The following ABCA13 variants were observed in gnomAD, a reference collection of about 807,000 sequenced individuals.
ABCA13 encodes ATP binding cassette subfamily A member 13.
A neutral mutation model predicts 478.7 loss-of-function variants in ABCA13; 476 were observed. The ratio of observed to expected loss-of-function variants is 0.99; its 90% confidence interval spans 0.92 to 1.07. The LOEUF is 1.07. ABCA13 is among the 50% of genes least tolerant of loss of function. The probability of loss-of-function intolerance (pLI) is 0.00; values close to 1 mark genes in which losing one functional copy is unlikely to be tolerated. For missense variants in ABCA13, 6,060 were observed against 5,910.6 expected (o/e 1.03, Z -0.83); for synonymous variants, 2,252 against 2,158.9 (o/e 1.04, Z -1.20).
At chr7:48,511,286 T>A (rs1029599202) in intron 51 of ABCA13, 87 bp downstream of exon 51, 10 of 1,041,420 alleles carry the variant, frequency 9.6e-6, no homozygotes, top group Non-Finnish European at 1.4e-5. Flanking sequence ...TGCTGTCGAC[T>A]TCATGATTTC....
chr7:48,518,079 A>G (rs533747620), intron 52 of ABCA13, among the ~76,000 whole-genome samples: 2 of 152,322 alleles, frequency 1.3e-5, no homozygotes, highest in African/African-American at 4.8e-5. Context: ...TGATGGTAAT[A>G]ATCTATTTTG....
At chr7:48,259,426 G>A (rs1793855944) in intron 15 of ABCA13, among the ~76,000 whole-genome samples, 1 of 151,938 alleles carries the variant, frequency 6.6e-6, no homozygotes, top group Admixed American at 6.6e-5. Context: ...AGCAAGCCCT[G>A]CTTTTTTTCT....
Position 48,276,091 on chromosome 7 carries a change from T to C in ABCA13, c.6425T>C (p.Ile2142Thr), listed in dbSNP as rs1584572654. ...GCAAATGAGGATTACTCCAGAATGA[T>C]AGAAACATTATTCATTCCTGTGACC... ...EYANEDYSRM[I>T]ETLFIPVTNE... The change falls in exon 17 of 62, where the codon ATA becomes ACA. Residue 2142 changes from isoleucine to threonine, a missense_variant. Transcript: ENST00000435803. 1 of 1,601,024 alleles carries C rather than the reference T, an allele frequency of 6.2e-7. No homozygotes were observed. The highest frequency in any genetic ancestry group is 8.5e-7 in the Non-Finnish European group (1 of 1,173,068).
At chr7:48,248,601 G>A (rs1792058397) in intron 14 of ABCA13, among the ~76,000 whole-genome samples, 157 bp downstream of exon 14, 1 of 152,124 alleles carries the variant, frequency 6.6e-6, no homozygotes, top group Non-Finnish European at 1.5e-5. Context: ...TGGTACTGTT[G>A]GAAAGCATCT....
intron 31 of ABCA13, among the ~76,000 whole-genome samples, chr7:48,367,555 C>T (rs1424992446): frequency 6.6e-6 from 1 of 152,126 alleles, no homozygotes; most frequent in Non-Finnish European, 1.5e-5. Flanking sequence ...TGTGGTTGGG[C>T]TATGGCTCTC....
At position 48,511,218 on chromosome 7, in the gene ABCA13, T is replaced by C. The variant is rs774132655; in HGVS notation, c.13640+19T>C. Reference sequence around the variant, plus strand: ...TTTTCGGGTATGTGATGAGAAACGCTGCTGCAGAATTACGGTTTGTTTTCT... The same window carrying C: ...TTTTCGGGTATGTGATGAGAAACGCCGCTGCAGAATTACGGTTTGTTTTCT... On this transcript the variant is annotated intron_variant, in intron 51 of 61. Transcript: ENST00000435803. 9.5e-6 allele frequency: 15 copies of C among 1,583,970 alleles called. No individual in the cohort carries two copies. In the South Asian group the frequency reaches 1.5e-4, roughly 16 times the overall value.
intron 35 of ABCA13, among the ~76,000 whole-genome samples, chr7:48,387,376 A>G (rs180973701): frequency 5.1e-4 from 78 of 152,288 alleles, no homozygotes; most frequent in African/African-American, 1.8e-3. Context: ...ATTCTTCTTT[A>G]TGGAAATTTC....
chr7:48,560,978 T>C (rs569745594), intron 55 of ABCA13, among the ~76,000 whole-genome samples: 9 of 152,302 alleles, frequency 5.9e-5, no homozygotes, highest in South Asian at 2.1e-4. Flanking sequence ...ATTTGACTTA[T>C]TTCCCATAAC....
intron 55 of ABCA13, among the ~76,000 whole-genome samples, chr7:48,576,941 TC>T (rs2131348107): frequency 6.6e-6 from 1 of 152,194 alleles, no homozygotes; most frequent in Admixed American, 6.5e-5. Flanking sequence ...GCTTTAGAAA[TC>T]CCCAAATATT....
At chr7:48,472,461 C>T (rs1198622539) in intron 45 of ABCA13, among the ~76,000 whole-genome samples, 1 of 152,072 alleles carries the variant, frequency 6.6e-6, no homozygotes, top group East Asian at 1.9e-4. Flanking sequence ...TTTGGAAGTA[C>T]TCTAGAGAAC....
intron 42 of ABCA13, among the ~76,000 whole-genome samples, chr7:48,433,432 T>TA (rs1264930569): frequency 6.7e-6 from 1 of 149,492 alleles, no homozygotes; most frequent in African/African-American, 2.4e-5. Flanking sequence ...AATGTGTTTT[T>TA]ATATATGATA....
At chr7:48,182,793 C>T (rs1795863657) in intron 1 of ABCA13, among the ~76,000 whole-genome samples, 1 of 152,184 alleles carries the variant, frequency 6.6e-6, no homozygotes. Context: ...GAAGCCTCGA[C>T]TCCTAACTGT....
At chr7:48,636,283 T>C (rs1460940878) in intron 59 of ABCA13, among the ~76,000 whole-genome samples, 2 of 152,216 alleles carry the variant, frequency 1.3e-5, no homozygotes, top group Non-Finnish European at 2.9e-5. Flanking sequence ...CCGCCTCCCA[T>C]ATAGGCATCC....
chr7:48,472,815 T>A (rs1827649781), intron 45 of ABCA13, among the ~76,000 whole-genome samples: 1 of 152,168 alleles, frequency 6.6e-6, no homozygotes, highest in Non-Finnish European at 1.5e-5. Flanking sequence ...ATGCAGGTCC[T>A]TAGCCTAAGT....
chr7:48,316,379 G>A (rs890095895), intron 26 of ABCA13, among the ~76,000 whole-genome samples: 2 of 152,174 alleles, frequency 1.3e-5, no homozygotes, highest in Non-Finnish European at 2.9e-5. Flanking sequence ...TGAAAAACCA[G>A]ATTTATTTTT....
At position 48,374,394 on chromosome 7, in the gene ABCA13, A is replaced by C; in HGVS notation, c.11181A>C (p.Thr3727=). The change falls in exon 34 of 62, where the codon ACA becomes ACC. Residue 3727 remains threonine, a synonymous_variant. Coordinates refer to ENST00000435803, the MANE Select transcript of ABCA13 (RefSeq NM_152701.5). The part of the protein sequence containing the change: ...TAFGQGVFFI[T]FLEGQETGIQ... ...TTGGACAAGGGGTATTTTTTATTAC[A>C]TTCCTGGAAGGACAAGAGACAGGTA... The C allele has an allele frequency of 1.9e-6, 3 of 1,610,310 alleles. No individual in the cohort carries two copies. The highest frequency in any genetic ancestry group is 2.5e-6 in the Non-Finnish European group (3 of 1,178,450).
chr7:48,537,813 A>C (rs1563409087), intron 55 of ABCA13, among the ~76,000 whole-genome samples: 1 of 152,078 alleles, frequency 6.6e-6, no homozygotes, highest in Non-Finnish European at 1.5e-5. Context: ...ACCAGGGGTG[A>C]CTCAGGACTG....
chr7:48,492,566 T>C (rs1829933147), intron 48 of ABCA13, among the ~76,000 whole-genome samples: 1 of 152,136 alleles, frequency 6.6e-6, no homozygotes, highest in Non-Finnish European at 1.5e-5. Flanking sequence ...AGTGTAACAG[T>C]GTTGGGAGGA....
intron 24 of ABCA13, among the ~76,000 whole-genome samples, chr7:48,310,568 C>T (rs550716404): frequency 1.7e-4 from 26 of 152,248 alleles, no homozygotes; most frequent in African/African-American, 5.8e-4. Flanking sequence ...GTGCTGCTCC[C>T]TGCACGGTGG....
Sources: allele counts gnomAD v4.1 joint callset (sites outside exome capture counted in the v4.1 genomes callset), GRCh38; gene constraint gnomAD v4.1.1; transcripts MANE v1.5; gene names NCBI Gene and HGNC (gene_info 2026-07-23, HGNC 2026-07-21).